The following ASF1A variants were observed in gnomAD, a reference collection of about 807,000 sequenced individuals.
ASF1A encodes histone chaperone ASF1A.
Under a neutral mutation model 22.0 loss-of-function variants are expected in ASF1A, and 5 were observed. That is an observed-to-expected ratio of 0.23 (90% CI 0.12 to 0.48). The LOEUF (loss-of-function observed/expected upper bound fraction) is 0.48, where lower values mean the gene tolerates loss of function less well. Among genes scored for constraint, ASF1A ranks in the 20% least tolerant of loss-of-function variants. The pLI is 0.99. For missense variants in ASF1A, 137 were observed against 240.6 expected, an observed-to-expected ratio of 0.57 and a Z score of 2.85; for synonymous variants, 97 against 86.7, an observed-to-expected ratio of 1.12 and a Z score of -0.66.
chr6:118,907,946 CCAGA>C lies in ASF1A; in HGVS notation c.*336_*339del. ...CAGGTTGTAAAGATGTCTTGGCCTC[CCAGA>C]CAGTCTTTGGACCACTATTTTACTG... On this transcript the variant is annotated 3_prime_UTR_variant, in exon 4 of 4. Transcript: ENST00000229595. 1 of 185,832 alleles carries C rather than the reference CCAGA, an allele frequency of 5.4e-6. No individual in the cohort carries two copies. The highest frequency in any genetic ancestry group is 1.1e-5 in the Non-Finnish European group (1 of 88,966). The allele number at this position is 185,832 out of a possible 1,614,324, so 11.5% of individuals were successfully genotyped here. A position where few individuals can be genotyped will look rare whatever the true frequency, so the allele number is the denominator to read the frequency against.
intron 2 of ASF1A, among the ~76,000 whole-genome samples, chr6:118,904,403 G>A (rs773502527): frequency 2.0e-5 from 3 of 152,146 alleles, no homozygotes; most frequent in East Asian, 1.9e-4. Context: ...GCTCATCTAG[G>A]CCCAGGAATA....
rs1780351454 is a variant in ASF1A, at chr6:118,908,958, G to C, written c.*1344G>C. On this transcript the variant is annotated 3_prime_UTR_variant, in exon 4 of 4. Coordinates refer to ENST00000229595, the MANE Select transcript of ASF1A (RefSeq NM_014034.3). The stretch of plus-strand genomic sequence containing the variant: ...ATATATTTCCTATCATTCTAAAAAA[G>C]TGAATTTGTGAAGCAAAGTTTTGCC... 2.0e-5 allele frequency: 3 copies of C among 152,516 alleles called. No homozygotes were observed. Among genetic ancestry groups the C allele is most frequent in the Admixed American group, 2.0e-4 (3 of 15,272 alleles). 9.4% of individuals were successfully genotyped at this position (152,516 alleles called of 1,614,324 possible).
chr6:118,906,319 T>C (rs1780175075), intron 3 of ASF1A, among the ~76,000 whole-genome samples: 1 of 152,148 alleles, frequency 6.6e-6, no homozygotes, highest in South Asian at 2.1e-4. Flanking sequence ...GTGATCTGCC[T>C]ACCTTGACCT....
intron 1 of ASF1A, among the ~76,000 whole-genome samples, chr6:118,899,653 A>G (rs1203466411): frequency 1.3e-5 from 2 of 152,228 alleles, no homozygotes; most frequent in Admixed American, 1.3e-4. Flanking sequence ...AGAGAAAATA[A>G]AAAAGGAGCT....
chr6:118,901,407 T>TACCACA (rs2114523957), intron 2 of ASF1A, among the ~76,000 whole-genome samples: 1 of 152,326 alleles, frequency 6.6e-6, no homozygotes, highest in Admixed American at 6.5e-5. Context: ...TGGTCTTGGG[T>TACCACA]CATTGGAATG....
intron 2 of ASF1A, 84 bp from the exon 3 acceptor site, chr6:118,905,568 T>TCC: frequency 8.9e-7 from 1 of 1,117,924 alleles, no homozygotes; most frequent in Non-Finnish European, 1.3e-6. Context: ...CAACTGATGG[T>TCC]TCTAGGTAAC....
intron 2 of ASF1A, chr6:118,901,171 C>A: frequency 4.4e-6 from 1 of 227,554 alleles, no homozygotes. Context: ...GAATTTGGGG[C>A]TCTTCCTGTG....
Position 118,894,618 on chromosome 6 carries a change from C to T in ASF1A, c.109+96C>T, listed in dbSNP as rs1174486671. 3.7e-6 allele frequency: 4 copies of T among 1,079,708 alleles called. No homozygotes were observed. In the East Asian group the frequency reaches 1.0e-4, roughly 28 times the overall value. The allele number at this position is 1,079,708 out of a possible 1,614,324, so 66.9% of individuals were successfully genotyped here. On this transcript the variant is annotated intron_variant, in intron 1 of 3. Coordinates refer to ENST00000229595, the MANE Select transcript of ASF1A (RefSeq NM_014034.3). The stretch of plus-strand genomic sequence containing the variant: ...CCTCGCGCTGGGCGGCTGTGTTCGG[C>T]GCCTGGCGGCCGCGGGCTGCTCTGC...
chr6:118,895,424 G>T (rs1411413886), intron 1 of ASF1A, among the ~76,000 whole-genome samples: 1 of 152,196 alleles, frequency 6.6e-6, no homozygotes. Context: ...TAATTTCCAG[G>T]ACTTAATCTC....
rs9401095 is a variant in ASF1A at position 118,903,979 on chromosome 6, G to T, written c.226-1673G>T. 4.1e-3 allele frequency among the ~76,000 whole-genome samples: 617 copies of T among 152,178 alleles called. 11 individuals are homozygous for T. The East Asian group carries it at 0.042, about 10-fold the overall frequency. On this transcript the variant is annotated intron_variant, in intron 2 of 3. Coordinates refer to ENST00000229595, the MANE Select transcript of ASF1A (RefSeq NM_014034.3). The stretch of plus-strand genomic sequence containing the variant: ...TAAAGGAGGTATGAATGGAGATATT[G>T]GCTGGAGACAAACTGAGAAGGGCCT...
rs900437153 is a variant in ASF1A, at chr6:118,908,505, A to G, written c.*891A>G. Reference sequence around the variant, plus strand: ...TTTATATAAAAACCATGGATTTAGAAAGGTATATTTAGCTTTATTATAATA... The same window carrying G: ...TTTATATAAAAACCATGGATTTAGAGAGGTATATTTAGCTTTATTATAATA... On this transcript the variant is annotated 3_prime_UTR_variant, in exon 4 of 4. Coordinates refer to ENST00000229595, the MANE Select transcript of ASF1A (RefSeq NM_014034.3). The G allele has an allele frequency of 6.6e-6, 1 of 152,098 alleles. No homozygotes were observed. Among genetic ancestry groups the G allele is most frequent in the Non-Finnish European group, 1.5e-5 (1 of 67,998 alleles). The allele number at this position is 152,098 out of a possible 1,614,324, so 9.4% of individuals were successfully genotyped here.
chr6:118,896,041 GTTT>G (rs200142006), intron 1 of ASF1A, among the ~76,000 whole-genome samples: 63 of 138,574 alleles, frequency 4.5e-4, no homozygotes, highest in African/African-American at 1.5e-3. Flanking sequence ...ATGTGCCCCC[GTTT>G]TTTTTTTTTT....
chr6:118,896,559 A>T (rs115839829), intron 1 of ASF1A, among the ~76,000 whole-genome samples: 1,582 of 152,242 alleles, frequency 0.01, 30 homozygotes, highest in African/African-American at 0.036. Flanking sequence ...CACATCAGGG[A>T]TTTACAGTAC....
At position 118,900,780 on chromosome 6, in the gene ASF1A, A is replaced by G; in HGVS notation, c.124A>G (p.Ile42Val). 1.2e-6 allele frequency: 2 copies of G among 1,613,020 alleles called. No homozygotes were observed. The highest frequency in any genetic ancestry group is 1.7e-6 in the Non-Finnish European group (2 of 1,179,032). The change falls in exon 2 of 4, where the codon ATT becomes GTT. Residue 42 changes from isoleucine (I) to valine (V), a missense_variant. Ile to Val is a conservative substitution (Grantham distance 29). This residue lies in a region of ASF1A where 96 missense variants were observed against 196.7 expected (regional missense o/e 0.49). Coordinates refer to ENST00000229595, the MANE Select transcript of ASF1A (RefSeq NM_014034.3). ...EDLSEDLEWK[I>V]IYVGSAESEE... ...TTTAACCCTAGACTTGGAATGGAAAATTATCTATGTGGGCTCTGCAGAAAG... is the reference window on the plus strand; with the variant it reads ...TTTAACCCTAGACTTGGAATGGAAAGTTATCTATGTGGGCTCTGCAGAAAG...
chr6:118,905,368 CT>C (rs35820434), intron 2 of ASF1A, among the ~76,000 whole-genome samples: 128,689 of 152,172 alleles, frequency 0.85, 54,522 homozygotes, highest in East Asian at 0.93. Context: ...GTGTATAATC[CT>C]TTCATGAACC....
In ASF1A at chr6:118,907,664, C is replaced by T. The variant is rs752645451; in HGVS notation, c.*50C>T. On this transcript the variant is annotated 3_prime_UTR_variant, in exon 4 of 4. Transcript: ENST00000229595. Reference sequence around the variant, plus strand: ...ATTAAGCTATTAAAAATACACAGAACTATTTCCCTGAAATTCCGTAAGTAC... The same window carrying T: ...ATTAAGCTATTAAAAATACACAGAATTATTTCCCTGAAATTCCGTAAGTAC... 1 of 1,434,022 alleles carries T rather than the reference C, an allele frequency of 7.0e-7. No homozygotes were observed. The highest frequency in any genetic ancestry group is 9.8e-7 in the Non-Finnish European group (1 of 1,025,254). The allele number at this position is 1,434,022 out of a possible 1,614,324, so 88.8% of individuals were successfully genotyped here.
At chr6:118,894,581 T>G (rs945560692) in intron 1 of ASF1A, 59 bp downstream of exon 1, 1 of 1,410,276 alleles carries the variant, frequency 7.1e-7, no homozygotes, top group Admixed American at 2.0e-5. Flanking sequence ...GTTGAAAGTT[T>G]CCCGGGCCGG....
chr6:118,902,044 A>AT (rs1489534725), intron 2 of ASF1A, among the ~76,000 whole-genome samples: 3 of 152,190 alleles, frequency 2.0e-5, no homozygotes, highest in Non-Finnish European at 4.4e-5. Context: ...GCAACAAATA[A>AT]TTTACTGTAT....
At position 118,895,513 on chromosome 6, in the gene ASF1A, A is replaced by G. The variant is rs1779332259; in HGVS notation, c.109+991A>G. Among the ~76,000 whole-genome samples, 3 of 152,158 alleles carry G rather than the reference A, an allele frequency of 2.0e-5. No homozygotes were observed. In the South Asian group the frequency reaches 6.2e-4, roughly 32 times the overall value. On this transcript the variant is annotated intron_variant, in intron 1 of 3. Coordinates refer to ENST00000229595, the MANE Select transcript of ASF1A (RefSeq NM_014034.3). ...AAATAACTCCACATCCAAATACAGA[A>G]CACACCCTAAACATAAAACACAAAC...
Sources: allele counts gnomAD v4.1 joint callset (sites outside exome capture counted in the v4.1 genomes callset), GRCh38; gene constraint gnomAD v4.1.1; regional missense constraint gnomAD v4.1.1; transcripts MANE v1.5; gene names NCBI Gene and HGNC (gene_info 2026-07-23, HGNC 2026-07-21).